The following HSD17B12 variants were observed in gnomAD, a reference collection of about 807,000 sequenced individuals.
HSD17B12 encodes the protein hydroxysteroid 17-beta dehydrogenase 12.
HSD17B12 carries 32 observed loss-of-function variants against 39.3 expected under a neutral mutation model. That is an observed-to-expected ratio of 0.81 (90% CI 0.61 to 1.09). The LOEUF (loss-of-function observed/expected upper bound fraction) is 1.09, where lower values mean the gene tolerates loss of function less well. Among genes scored for constraint, HSD17B12 ranks in the 50% least tolerant of loss-of-function variants. HSD17B12 has a pLI of 0.00. For synonymous variants in HSD17B12, 150 were observed against 146.7 expected (o/e 1.02, Z -0.16); for missense variants, 342 against 382.9 (o/e 0.89, Z 0.89).
chr11:43,790,886 C>A (rs762886698), intron 3 of HSD17B12, among the ~76,000 whole-genome samples: 1 of 151,674 alleles, frequency 6.6e-6, no homozygotes, highest in African/African-American at 2.4e-5. Context: ...CCCAGCTACT[C>A]GGAAGGCTGA....
intron 1 of HSD17B12, among the ~76,000 whole-genome samples, chr11:43,708,776 G>A (rs1188791212): frequency 1.3e-5 from 2 of 152,144 alleles, no homozygotes; most frequent in Non-Finnish European, 2.9e-5. Context: ...GATATTTGGA[G>A]CATATTTGGC....
At chr11:43,802,793 A>T (rs553935572) in intron 4 of HSD17B12, among the ~76,000 whole-genome samples, 1 of 152,296 alleles carries the variant, frequency 6.6e-6, no homozygotes, top group South Asian at 2.1e-4. Flanking sequence ...TCCATCCAAA[A>T]TGTCAGTAGT....
chr11:43,810,745 G>A (rs1951065658), intron 4 of HSD17B12, among the ~76,000 whole-genome samples: 1 of 152,094 alleles, frequency 6.6e-6, no homozygotes, highest in Non-Finnish European at 1.5e-5. Context: ...GGATGGTGGT[G>A]GGAATTCCAT....
At chr11:43,726,056 T>C (rs1385357338) in intron 1 of HSD17B12, among the ~76,000 whole-genome samples, 1 of 152,212 alleles carries the variant, frequency 6.6e-6, no homozygotes, top group Non-Finnish European at 1.5e-5. Context: ...GATAGTAATA[T>C]GTAGTGCTTA....
intron 3 of HSD17B12, among the ~76,000 whole-genome samples, chr11:43,784,584 G>C (rs1950798809): frequency 6.6e-6 from 1 of 151,950 alleles, no homozygotes; most frequent in Non-Finnish European, 1.5e-5. Context: ...CAGAGTGATA[G>C]TGATTCATGT....
chr11:43,776,425 G>A (rs1163819641), intron 3 of HSD17B12, among the ~76,000 whole-genome samples: 1 of 152,006 alleles, frequency 6.6e-6, no homozygotes, highest in Admixed American at 6.6e-5. Context: ...GTCTGTTCAT[G>A]TCCTTCGCCC....
intron 1 of HSD17B12, among the ~76,000 whole-genome samples, chr11:43,685,261 T>C (rs1224830170): frequency 1.3e-4 from 6 of 47,400 alleles, no homozygotes; most frequent in Non-Finnish European, 3.2e-4. Flanking sequence ...GGTTCTCCTC[T>C]GGAAAAACCA....
At chr11:43,618,420 G>A in the HSD17B12 span, among the ~76,000 whole-genome samples, 2 of 152,098 alleles carry the variant, frequency 1.3e-5, no homozygotes, top group East Asian at 1.9e-4. Flanking sequence ...GACAACTTAC[G>A]CCTTCTATAA....
chr11:43,777,566 A>G (rs1027835266), intron 3 of HSD17B12, among the ~76,000 whole-genome samples: 2 of 152,090 alleles, frequency 1.3e-5, no homozygotes, highest in African/African-American at 4.8e-5. Context: ...GGACAATTTG[A>G]CTTCCTGTTC....
intron 3 of HSD17B12, among the ~76,000 whole-genome samples, chr11:43,786,106 C>T (rs1280343019): frequency 6.6e-6 from 1 of 152,114 alleles, no homozygotes; most frequent in Admixed American, 6.5e-5. Flanking sequence ...TGATAATATG[C>T]CTGCCAAATT....
the HSD17B12 span, among the ~76,000 whole-genome samples, chr11:43,638,350 G>C: frequency 2.4e-3 from 373 of 152,254 alleles, 1 homozygote; most frequent in African/African-American, 8.3e-3. Context: ...AGGGAAAGCG[G>C]ACATTCCTTC....
At chr11:43,694,154 A>T (rs764303654) in intron 1 of HSD17B12, among the ~76,000 whole-genome samples, 1 of 152,102 alleles carries the variant, frequency 6.6e-6, no homozygotes, top group East Asian at 1.9e-4. Context: ...TTCCATAACA[A>T]CCCTATGAGG....
chr11:43,718,044 A>G (rs1279866393), intron 1 of HSD17B12, among the ~76,000 whole-genome samples: 5 of 152,052 alleles, frequency 3.3e-5, no homozygotes, highest in African/African-American at 1.2e-4. Context: ...GCCTCAAGCA[A>G]TCCACCCGCC....
chr11:43,617,474 A>C, the HSD17B12 span, among the ~76,000 whole-genome samples: 2 of 152,102 alleles, frequency 1.3e-5, no homozygotes, highest in African/African-American at 2.4e-5. Context: ...GAGTTGAGAT[A>C]GCCTTAGGAT....
chr11:43,582,846 C>A, the HSD17B12 span, among the ~76,000 whole-genome samples: 1 of 152,112 alleles, frequency 6.6e-6, no homozygotes, highest in Non-Finnish European at 1.5e-5. Context: ...AGCTTTCCTC[C>A]CCAGATAAAG....
At chr11:43,808,809 A>T (rs1951042543) in intron 4 of HSD17B12, among the ~76,000 whole-genome samples, 1 of 152,260 alleles carries the variant, frequency 6.6e-6, no homozygotes, top group South Asian at 2.1e-4. Flanking sequence ...CTACTCACAA[A>T]TGTATGAAAA....
chr11:43,672,088 G>A, the HSD17B12 span, among the ~76,000 whole-genome samples: 5 of 151,922 alleles, frequency 3.3e-5, no homozygotes, highest in Non-Finnish European at 5.9e-5. Flanking sequence ...TCGCTCTGTC[G>A]CCCAGGCTGG....
the HSD17B12 span, among the ~76,000 whole-genome samples, chr11:43,611,102 G>A: frequency 2.0e-5 from 3 of 152,230 alleles, no homozygotes; most frequent in African/African-American, 4.8e-5. Flanking sequence ...ATGTCAAACC[G>A]TGAATCCAGC....
chr11:43,607,670 A>T, the HSD17B12 span, among the ~76,000 whole-genome samples: 1 of 152,354 alleles, frequency 6.6e-6, no homozygotes, highest in East Asian at 1.9e-4. Flanking sequence ...TTAAAAATAT[A>T]AAAGGCATAT....
Sources: gnomAD v4.1 joint callset for allele counts (sites outside exome capture counted in the v4.1 genomes callset) on GRCh38, gnomAD v4.1.1 for gene constraint, MANE v1.5 for transcripts, NCBI Gene and HGNC (gene_info 2026-07-23, HGNC 2026-07-21) for gene names.